Variants in IL10RB observed in about 807,000 individuals in gnomAD.
IL10RB encodes the protein interleukin-10 receptor subunit beta.
In IL10RB, 30 loss-of-function variants were observed where a neutral mutation model predicts 38.7. That is an observed-to-expected ratio of 0.78 (90% CI 0.58 to 1.05). The LOEUF is 1.05. Ranked by LOEUF, IL10RB falls within the 50% of genes least tolerant of loss-of-function variation. The pLI is 0.00. For synonymous variants in IL10RB, 142 were observed against 145.9 expected, an observed-to-expected ratio of 0.97 and a Z score of 0.19; for missense variants, 328 against 397.1, an observed-to-expected ratio of 0.83 and a Z score of 1.48.
chr21:33,293,666 C>T lies in IL10RB; in HGVS notation c.805-2518C>T, dbSNP rs28385665. Among the ~76,000 whole-genome samples the T allele has an allele frequency of 4.4e-3, 664 of 152,170 alleles. 3 individuals are homozygous for T. The highest frequency in any genetic ancestry group is 0.012 in the African/African-American group (494 of 41,516). On this transcript the variant is annotated intron_variant, in intron 6 of 6. Coordinates refer to ENST00000290200, the MANE Select transcript of IL10RB (RefSeq NM_000628.5). Reference sequence around the variant, plus strand: ...TGAAACCCTGTCTCTACTAAAAATACAAAAATTAGCCACGCCTGTAATCCC... The same window carrying T: ...TGAAACCCTGTCTCTACTAAAAATATAAAAATTAGCCACGCCTGTAATCCC...
chr21:33,290,082 C>T (rs1379596746), intron 6 of IL10RB, among the ~76,000 whole-genome samples: 2 of 151,826 alleles, frequency 1.3e-5, no homozygotes, highest in Admixed American at 6.6e-5. Context: ...CCACTGCACT[C>T]TAACCTGGGC....
chr21:33,298,412 G>C (rs1476802484), downstream of IL10RB, among the ~76,000 whole-genome samples: 1 of 152,042 alleles, frequency 6.6e-6, no homozygotes, highest in East Asian at 1.9e-4. Flanking sequence ...TCAGGAGTTC[G>C]AGACCAGCCT....
chr21:33,308,399 A>G (rs2083003964), intron 1 of IL10RB: 1 of 152,234 alleles, frequency 6.6e-6, no homozygotes, highest in African/African-American at 2.4e-5. Flanking sequence ...CTATATTTGC[A>G]ACATATTTGC....
chr21:33,276,412 T>C (rs1394255665), intron 2 of IL10RB, among the ~76,000 whole-genome samples, 184 bp from the exon 3 acceptor site: 1 of 152,138 alleles, frequency 6.6e-6, no homozygotes, highest in African/African-American at 2.4e-5. Flanking sequence ...CTCAACCCCT[T>C]GGAGAGGCAC....
At chr21:33,293,680 G>A (rs939149794) in intron 6 of IL10RB, among the ~76,000 whole-genome samples, 3 of 152,174 alleles carry the variant, frequency 2.0e-5, no homozygotes, top group Non-Finnish European at 2.9e-5. Context: ...AATTAGCCAC[G>A]CCTGTAATCC....
intron 1 of IL10RB, among the ~76,000 whole-genome samples, chr21:33,306,694 C>T (rs1355590372): frequency 2.6e-5 from 4 of 151,986 alleles, no homozygotes; most frequent in Admixed American, 6.6e-5. Flanking sequence ...CCACCATGCC[C>T]AGATAATTTT....
At chr21:33,285,601 C>T (rs1389143603) in intron 5 of IL10RB, among the ~76,000 whole-genome samples, 1 of 152,152 alleles carries the variant, frequency 6.6e-6, no homozygotes, top group Non-Finnish European at 1.5e-5. Context: ...CCAGATGTGT[C>T]CTTGTTTAAG....
rs767616287 is a variant in IL10RB at position 33,283,084 on chromosome 21, C to G, written c.499-10C>G. ...CTTAGTCATGTTCTTATTTTTGTCT[C>G]CATTACTAGTTTCAAATTACTCCCC... On this transcript the variant is annotated splice_polypyrimidine_tract_variant and intron_variant, in intron 4 of 6. Coordinates refer to ENST00000290200, the MANE Select transcript of IL10RB (RefSeq NM_000628.5). 1.2e-6 allele frequency: 2 copies of G among 1,609,112 alleles called. No individual in the cohort carries two copies. The highest frequency in any genetic ancestry group is 3.3e-5 in the Admixed American group (2 of 59,990).
intron 5 of IL10RB, among the ~76,000 whole-genome samples, chr21:33,287,752 G>C (rs949546335): frequency 2.6e-5 from 4 of 152,092 alleles, no homozygotes; most frequent in African/African-American, 9.7e-5. Flanking sequence ...TTTAACTCAG[G>C]CTCAGGTGTC....
intron 1 of IL10RB, among the ~76,000 whole-genome samples, chr21:33,267,482 GT>G (rs368499766): frequency 0.014 from 1,711 of 124,610 alleles, 70 homozygotes; most frequent in East Asian, 0.085. Context: ...TTCTTCTTCC[GT>G]TTTTTTTTTT....
At chr21:33,282,569 T>G (rs550807183) in intron 4 of IL10RB, among the ~76,000 whole-genome samples, 1 of 152,236 alleles carries the variant, frequency 6.6e-6, no homozygotes, top group South Asian at 2.1e-4. Flanking sequence ...CAGTTTATTT[T>G]ATTTATTTAT....
At chr21:33,266,903 C>G (rs755553408) in intron 1 of IL10RB, among the ~76,000 whole-genome samples, 1 of 152,056 alleles carries the variant, frequency 6.6e-6, no homozygotes, top group Non-Finnish European at 1.5e-5. Flanking sequence ...AGTGGAGGCC[C>G]CCACCAGTCC....
chr21:33,284,819 C>T (rs976155279), intron 5 of IL10RB, among the ~76,000 whole-genome samples: 1 of 152,202 alleles, frequency 6.6e-6, no homozygotes, highest in African/African-American at 2.4e-5. Context: ...AAACAGATAC[C>T]GCTATGCTTC....
intron 1 of IL10RB, among the ~76,000 whole-genome samples, chr21:33,306,606 C>T (rs1308886772): frequency 6.6e-6 from 1 of 152,036 alleles, no homozygotes; most frequent in African/African-American, 2.4e-5. Flanking sequence ...GATCATGGCT[C>T]ACTGCAGCCT....
chr21:33,282,954 C>G, intron 4 of IL10RB, 140 bp from the exon 5 acceptor site: 2 of 731,134 alleles, frequency 2.7e-6, no homozygotes, highest in Non-Finnish European at 2.4e-6. Flanking sequence ...CTCAGGGTCC[C>G]TGAACTGAGA....
chr21:33,277,228 A>T (rs561510769), intron 3 of IL10RB, among the ~76,000 whole-genome samples: 110 of 152,144 alleles, frequency 7.2e-4, no homozygotes, highest in Non-Finnish European at 1.4e-3. Flanking sequence ...GTTGGGTCAG[A>T]CTGGTTGGTC....
intron 2 of IL10RB, among the ~76,000 whole-genome samples, chr21:33,269,796 G>T (rs1989042908): frequency 6.6e-6 from 1 of 151,864 alleles, no homozygotes; most frequent in African/African-American, 2.4e-5. Context: ...GTAGATGGGA[G>T]TACAGGCTCC....
At chr21:33,290,729 G>A (rs1024217267) in intron 6 of IL10RB, among the ~76,000 whole-genome samples, 8 of 152,194 alleles carry the variant, frequency 5.3e-5, no homozygotes, top group Non-Finnish European at 7.3e-5. Context: ...AGGCCGCTCC[G>A]TCCTTCTTCC....
Position 33,272,151 on chromosome 21 carries a change from T to C in IL10RB, c.173+3634T>C, listed in dbSNP as rs369672686. Among the ~76,000 whole-genome samples the C allele has an allele frequency of 6.4e-4, 97 of 152,290 alleles. 1 individual carries two copies. Among genetic ancestry groups the C allele is most frequent in the East Asian group, 6.0e-3 (31 of 5,184 alleles). On this transcript the variant is annotated intron_variant, in intron 2 of 6. Transcript: ENST00000290200. ...TGAAAAAATAGCATGATCCCAATGA[T>C]CTCTATCTACTTTTTGCAAGGGATT...
Sources: gnomAD v4.1 joint callset for allele counts (sites outside exome capture counted in the v4.1 genomes callset) on GRCh38, gnomAD v4.1.1 for gene constraint, MANE v1.5 for transcripts, NCBI Gene and HGNC (gene_info 2026-07-23, HGNC 2026-07-21) for gene names.